The following COQ8A variants were observed in gnomAD, a reference collection of about 807,000 sequenced individuals.
The protein encoded by COQ8A is coenzyme Q8A.
A neutral mutation model predicts 65.0 loss-of-function variants in COQ8A; 51 were observed. The observed-to-expected ratio is 0.78, with a 90% CI of 0.63 to 0.99. COQ8A has a LOEUF of 0.99. COQ8A is among the 50% of genes least tolerant of loss of function. The pLI is 0.00. For missense variants in COQ8A, 940 were observed against 875.0 expected, an observed-to-expected ratio of 1.07 and a Z score of -0.94; for synonymous variants, 371 against 353.2, an observed-to-expected ratio of 1.05 and a Z score of -0.57.
chr1:226,981,079 AG>A (rs1412489641), intron 5 of COQ8A, among the ~76,000 whole-genome samples: 1 of 152,246 alleles, frequency 6.6e-6, no homozygotes, highest in South Asian at 2.1e-4. Flanking sequence ...CTAGATTCAC[AG>A]GACAGAAGGC....
chr1:226,950,547 A>C (rs1572020870), intron 1 of COQ8A, among the ~76,000 whole-genome samples: 1 of 152,224 alleles, frequency 6.6e-6, no homozygotes, highest in African/African-American at 2.4e-5. Flanking sequence ...CTCATCTGTA[A>C]AATGGGCATA....
At chr1:226,950,418 T>A (rs1308424244) in intron 1 of COQ8A, among the ~76,000 whole-genome samples, 1 of 152,220 alleles carries the variant, frequency 6.6e-6, no homozygotes, top group Non-Finnish European at 1.5e-5. Context: ...CTTTTTCTCC[T>A]CTTACCTGTT....
chr1:226,968,002 A>C (rs1658663717), intron 4 of COQ8A, among the ~76,000 whole-genome samples: 1 of 152,190 alleles, frequency 6.6e-6, no homozygotes, highest in Admixed American at 6.5e-5. Flanking sequence ...TTCAAACTGT[A>C]GGTTATGACC....
intron 1 of COQ8A, among the ~76,000 whole-genome samples, chr1:226,943,854 CT>C (rs1294129090): frequency 1.3e-5 from 2 of 152,116 alleles, no homozygotes; most frequent in Non-Finnish European, 2.9e-5. Flanking sequence ...TTCCAGTTGC[CT>C]GTGGGTCTTT....
intron 1 of COQ8A, among the ~76,000 whole-genome samples, chr1:226,951,744 T>G (rs1259364295): frequency 6.6e-6 from 1 of 151,976 alleles, no homozygotes; most frequent in Non-Finnish European, 1.5e-5. Flanking sequence ...AGATCTTTCT[T>G]GCAACTGCTG....
At chr1:226,960,317 T>TTGG (rs1451126275) in intron 1 of COQ8A, among the ~76,000 whole-genome samples, 3 of 143,878 alleles carry the variant, frequency 2.1e-5, no homozygotes, top group Non-Finnish European at 4.5e-5. Flanking sequence ...GTGGCGGTAC[T>TTGG]TGGTGGTGGT....
At chr1:226,961,295 CAG>C in intron 1 of COQ8A, 80 bp from the exon 2 acceptor site, 2 of 1,477,326 alleles carry the variant, frequency 1.4e-6, no homozygotes, top group Non-Finnish European at 1.9e-6. Context: ...ACCTTCTGCT[CAG>C]AGTTTGGTGT....
At chr1:226,978,153 C>T (rs982956955) in intron 5 of COQ8A, among the ~76,000 whole-genome samples, 1 of 150,384 alleles carries the variant, frequency 6.6e-6, no homozygotes, top group Admixed American at 6.6e-5. Flanking sequence ...ATCTTACCCT[C>T]CACACACCCA....
chr1:226,986,148 ACT>A (rs959715871), intron 14 of COQ8A, among the ~76,000 whole-genome samples: 2 of 151,616 alleles, frequency 1.3e-5, no homozygotes, highest in African/African-American at 4.8e-5. Context: ...AGGCCCACGG[ACT>A]CTGTTCTTTT....
At chr1:226,985,144 C>A in intron 13 of COQ8A, 110 bp from the exon 14 acceptor site, 1 of 1,320,446 alleles carries the variant, frequency 7.6e-7, no homozygotes, top group Non-Finnish European at 1.1e-6. Flanking sequence ...GGGCCCTGTG[C>A]AGGGAGAGGA....
intron 1 of COQ8A, among the ~76,000 whole-genome samples, chr1:226,952,178 C>T (rs1252924273): frequency 3.9e-5 from 6 of 152,132 alleles, no homozygotes; most frequent in South Asian, 2.1e-4. Context: ...CCTCTCTCTC[C>T]AAATTGGAGG....
At position 226,982,037 on chromosome 1, in the gene COQ8A, C is replaced by T. The variant is rs554280397; in HGVS notation, c.741C>T (p.Ala247=). 385 of 1,612,928 alleles carry T rather than the reference C, an allele frequency of 2.4e-4. No homozygotes were observed. Among genetic ancestry groups the T allele is most frequent in the Non-Finnish European group, 3.0e-4 (356 of 1,180,006 alleles). Residue 247 remains alanine, a synonymous_variant, in exon 6 of 15, where the codon GCC becomes GCT. Coordinates refer to ENST00000366777, the MANE Select transcript of COQ8A (RefSeq NM_020247.5). ...LRSEDPSGKK[A]VLGSSPFLSE... Reference sequence around the variant, plus strand: ...CTTGCCCGCCCACAGGGAAGAAGGCCGTGCTGGGTTCCAGTCCTTTCCTGT... The same window carrying T: ...CTTGCCCGCCCACAGGGAAGAAGGCTGTGCTGGGTTCCAGTCCTTTCCTGT...
intron 6 of COQ8A, 181 bp from the exon 7 acceptor site, chr1:226,982,497 G>C: frequency 1.4e-6 from 1 of 734,928 alleles, no homozygotes; most frequent in Non-Finnish European, 2.4e-6. Flanking sequence ...GCGGAGGCTG[G>C]GGCTCCCGGG....
chr1:226,960,485 T>TTGG, intron 1 of COQ8A, among the ~76,000 whole-genome samples: 1 of 12,440 alleles, frequency 8.0e-5, no homozygotes, highest in Non-Finnish European at 1.9e-4. Flanking sequence ...GCAGTGGTAC[T>TTGG]TGGTGGTGGT....
rs549676643 is a variant in COQ8A, at chr1:226,985,766, T to G, written c.1659+426T>G. 5.3e-5 allele frequency among the ~76,000 whole-genome samples: 8 copies of G among 152,302 alleles called. No individual in the cohort carries two copies. The East Asian group carries it at 1.4e-3, about 26-fold the overall frequency. On this transcript the variant is annotated intron_variant, in intron 14 of 14. Coordinates refer to ENST00000366777, the MANE Select transcript of COQ8A (RefSeq NM_020247.5). ...GCCTGAAGCCACCCACAAAGTGGCATTTTCCGCTTGCTGCTTGACAGTGGG... is the reference window on the plus strand; with the variant it reads ...GCCTGAAGCCACCCACAAAGTGGCAGTTTCCGCTTGCTGCTTGACAGTGGG...
chr1:226,983,670 G>A (rs1659858154), intron 9 of COQ8A, 37 bp downstream of exon 9: 1 of 1,612,638 alleles, frequency 6.2e-7, no homozygotes, highest in African/African-American at 1.3e-5. Context: ...GGCAGGAGTG[G>A]GTGGCAGGCA....
At chr1:226,948,702 G>A (rs982770043) in intron 1 of COQ8A, among the ~76,000 whole-genome samples, 2 of 152,122 alleles carry the variant, frequency 1.3e-5, no homozygotes, top group Non-Finnish European at 2.9e-5. Flanking sequence ...TGGGTGGAGT[G>A]GGAAGAGTCA....
intron 1 of COQ8A, among the ~76,000 whole-genome samples, chr1:226,942,823 A>G (rs1245770253): frequency 1.3e-5 from 2 of 152,206 alleles, no homozygotes; most frequent in Admixed American, 1.3e-4. Context: ...CAGCCTGCTC[A>G]CCAAAGAGAC....
At chr1:226,986,416 T>A in intron 14 of COQ8A, 37 bp from the exon 15 acceptor site, 1 of 1,606,448 alleles carries the variant, frequency 6.2e-7, no homozygotes, top group Non-Finnish European at 8.5e-7. Context: ...AGGGCTCTGG[T>A]GTCTCGCCGC....
Sources: allele counts gnomAD v4.1 joint callset (sites outside exome capture counted in the v4.1 genomes callset), GRCh38; gene constraint gnomAD v4.1.1; transcripts MANE v1.5; gene names NCBI Gene and HGNC (gene_info 2026-07-23, HGNC 2026-07-21).